The following GALNT13 variants were observed in gnomAD, a reference collection of about 807,000 sequenced individuals.
GALNT13 encodes UDP-GalNAc:polypeptide N-acetylgalactosaminyltransferase 13.
In GALNT13, 28 loss-of-function variants were observed where a neutral mutation model predicts 64.2. That is an observed-to-expected ratio of 0.44 (90% CI 0.32 to 0.60). GALNT13 has a LOEUF of 0.60. Ranked by LOEUF, GALNT13 falls within the 20% of genes least tolerant of loss-of-function variation. GALNT13 has a pLI of 0.05. For missense variants in GALNT13, 577 were observed against 669.8 expected (o/e 0.86, Z 1.53); for synonymous variants, 214 against 224.6 (o/e 0.95, Z 0.42).
the GALNT13 span, among the ~76,000 whole-genome samples, chr2:153,332,677 G>A: frequency 3.9e-5 from 6 of 152,094 alleles, no homozygotes; most frequent in African/African-American, 1.4e-4. Flanking sequence ...ATCCAGGTGA[G>A]CTGGTGCTCT....
intron 4 of GALNT13, among the ~76,000 whole-genome samples, chr2:154,224,069 CAGAT>C (rs1469162394): frequency 6.6e-6 from 1 of 151,766 alleles, no homozygotes; most frequent in Admixed American, 6.6e-5. Flanking sequence ...TGTGTGTAGA[CAGAT>C]AGAAATAGAG....
chr2:153,756,735 C>G, the GALNT13 span, among the ~76,000 whole-genome samples: 5 of 151,964 alleles, frequency 3.3e-5, no homozygotes, highest in Non-Finnish European at 2.9e-5. Flanking sequence ...CTTTCCATTC[C>G]AAACTAGTAT....
intron 3 of GALNT13, among the ~76,000 whole-genome samples, chr2:154,118,564 A>G (rs1332459282): frequency 6.7e-6 from 1 of 148,960 alleles, no homozygotes; most frequent in Admixed American, 6.7e-5. Flanking sequence ...TTGTTTTCTG[A>G]TTGTTTTGTA....
intron 7 of GALNT13, among the ~76,000 whole-genome samples, chr2:154,247,775 C>T (rs141204257): frequency 4.5e-4 from 68 of 152,104 alleles, no homozygotes; most frequent in East Asian, 4.2e-3. Flanking sequence ...CCTGCAGTAA[C>T]GGCACATCAT....
At chr2:153,699,655 G>A in the GALNT13 span, among the ~76,000 whole-genome samples, 3 of 151,924 alleles carry the variant, frequency 2.0e-5, no homozygotes, top group Non-Finnish European at 4.4e-5. Flanking sequence ...AATGATAAAG[G>A]GAATATCACC....
At chr2:153,159,099 C>A in the GALNT13 span, 4 of 161,370 alleles carry the variant, frequency 2.5e-5, no homozygotes, top group South Asian at 5.0e-4. Flanking sequence ...AGGAGAAGTT[C>A]ATCTTGGGCT....
chr2:154,090,525 A>G (rs902029592), intron 3 of GALNT13, among the ~76,000 whole-genome samples: 1 of 152,088 alleles, frequency 6.6e-6, no homozygotes, highest in African/African-American at 2.4e-5. Flanking sequence ...TGGAAAACCT[A>G]GATTTTCTAT....
chr2:153,813,857 G>C, the GALNT13 span, among the ~76,000 whole-genome samples: 1 of 152,170 alleles, frequency 6.6e-6, no homozygotes, highest in Non-Finnish European at 1.5e-5. Context: ...TAATAGGGCT[G>C]TTTTTCTAGT....
At chr2:154,383,741 G>T (rs537139362) in intron 9 of GALNT13, among the ~76,000 whole-genome samples, 4 of 151,730 alleles carry the variant, frequency 2.6e-5, no homozygotes, top group Admixed American at 2.0e-4. Flanking sequence ...CTTTGAAGCC[G>T]ATTTTTCATA....
chr2:154,010,419 C>G (rs72868406), intron 3 of GALNT13, among the ~76,000 whole-genome samples: 21,059 of 152,156 alleles, frequency 0.14, 1,771 homozygotes, highest in African/African-American at 0.23. Context: ...TTGAACCAAC[C>G]TTGCATTCAA....
At chr2:153,326,149 A>G in the GALNT13 span, among the ~76,000 whole-genome samples, 4 of 152,062 alleles carry the variant, frequency 2.6e-5, no homozygotes, top group Non-Finnish European at 5.9e-5. Context: ...TGCTTTATGA[A>G]TCTGAGTGCT....
At chr2:154,348,406 G>A (rs962436031) in intron 9 of GALNT13, among the ~76,000 whole-genome samples, 3 of 151,682 alleles carry the variant, frequency 2.0e-5, no homozygotes, top group Non-Finnish European at 2.9e-5. Flanking sequence ...ATAGTTTCTC[G>A]GTGTTACAGT....
At chr2:153,254,620 C>T in the GALNT13 span, among the ~76,000 whole-genome samples, 1 of 151,658 alleles carries the variant, frequency 6.6e-6, no homozygotes, top group South Asian at 2.1e-4. Flanking sequence ...CTATAAATTT[C>T]CCTCCACACA....
chr2:153,468,446 A>G, the GALNT13 span, among the ~76,000 whole-genome samples: 5 of 152,136 alleles, frequency 3.3e-5, no homozygotes, highest in East Asian at 9.6e-4. Flanking sequence ...GAGGCACACC[A>G]TCTCATATAA....
At chr2:154,290,842 G>A (rs1377078358) in intron 8 of GALNT13, among the ~76,000 whole-genome samples, 1 of 152,094 alleles carries the variant, frequency 6.6e-6, no homozygotes, top group African/African-American at 2.4e-5. Flanking sequence ...ACTGGCTTCA[G>A]GAGTGAAGCT....
chr2:153,472,712 C>A, the GALNT13 span, among the ~76,000 whole-genome samples: 1 of 152,094 alleles, frequency 6.6e-6, no homozygotes, highest in East Asian at 1.9e-4. Context: ...AGCAAGCATG[C>A]CCTTAAATAT....
At chr2:153,377,679 T>G in the GALNT13 span, among the ~76,000 whole-genome samples, 1 of 152,166 alleles carries the variant, frequency 6.6e-6, no homozygotes, top group African/African-American at 2.4e-5. Context: ...TTGTACAGCT[T>G]GCAGAACCAT....
chr2:153,161,331 CT>C, the GALNT13 span, among the ~76,000 whole-genome samples: 5 of 152,170 alleles, frequency 3.3e-5, no homozygotes, highest in African/African-American at 7.2e-5. Flanking sequence ...ATGTCAGATA[CT>C]CTTCTAGACA....
intron 7 of GALNT13, among the ~76,000 whole-genome samples, chr2:154,248,025 G>T (rs1689875277): frequency 6.6e-6 from 1 of 152,104 alleles, no homozygotes; most frequent in African/African-American, 2.4e-5. Context: ...CATTCTAGAT[G>T]TTGAAGACAA....
Sources: allele counts gnomAD v4.1 joint callset (sites outside exome capture counted in the v4.1 genomes callset), GRCh38; gene constraint gnomAD v4.1.1; transcripts MANE v1.5; gene names NCBI Gene and HGNC (gene_info 2026-07-23, HGNC 2026-07-21).